The following ADGRL3 variants were observed in gnomAD, a reference collection of about 807,000 sequenced individuals.
ADGRL3 encodes adhesion G protein-coupled receptor L3, also known as calcium-independent alpha-latrotoxin receptor 3.
Under a neutral mutation model 153.5 loss-of-function variants are expected in ADGRL3, and 62 were observed. The ratio of observed to expected loss-of-function variants is 0.40; its 90% CI spans 0.33 to 0.50. The LOEUF (loss-of-function observed/expected upper bound fraction) is 0.50. ADGRL3 is among the 20% of genes least tolerant of loss of function. The pLI is 0.47. For synonymous variants in ADGRL3, 710 were observed against 672.5 expected, an observed-to-expected ratio of 1.06 and a Z score of -0.86; for missense variants, 1,641 against 1,859.4, an observed-to-expected ratio of 0.88 and a Z score of 2.16.
intron 1 of ADGRL3, among the ~76,000 whole-genome samples, chr4:61,232,105 T>C (rs1560372291): frequency 6.6e-6 from 1 of 152,134 alleles, no homozygotes. Context: ...CCTTCTGGGA[T>C]TGCTGTCAAG....
intron 8 of ADGRL3, chr4:61,775,881 G>C (rs1251180333): frequency 2.8e-6 from 1 of 362,324 alleles, no homozygotes; most frequent in Non-Finnish European, 4.9e-6. Flanking sequence ...GACGAATCTT[G>C]TTTTTATTTA....
intron 13 of ADGRL3, among the ~76,000 whole-genome samples, chr4:61,914,401 T>C (rs368051372): frequency 5.3e-5 from 8 of 152,258 alleles, no homozygotes; most frequent in East Asian, 3.9e-4. Context: ...TATATAAGTT[T>C]TATGTGAGAT....
chr4:61,887,612 C>T (rs988574935), intron 9 of ADGRL3, among the ~76,000 whole-genome samples: 2 of 152,070 alleles, frequency 1.3e-5, no homozygotes, highest in South Asian at 2.1e-4. Flanking sequence ...TTTGGGAGGC[C>T]GAAGAGGGCA....
chr4:61,722,740 G>T (rs1451040275), intron 6 of ADGRL3, among the ~76,000 whole-genome samples: 2 of 151,776 alleles, frequency 1.3e-5, no homozygotes, highest in African/African-American at 4.8e-5. Flanking sequence ...CAGTTTTTTT[G>T]GTGTTTGATA....
At chr4:61,437,259 C>T (rs1458618910) in intron 2 of ADGRL3, among the ~76,000 whole-genome samples, 1 of 145,618 alleles carries the variant, frequency 6.9e-6, no homozygotes, top group Non-Finnish European at 1.5e-5. Flanking sequence ...CTATATAAAA[C>T]ATATGCAAGA....
At position 61,201,169 on chromosome 4, in the gene ADGRL3, G is replaced by T. The variant is rs1312985018; in HGVS notation, c.-836G>T. The T allele has an allele frequency of 3.3e-5, 5 of 151,010 alleles. No homozygotes were observed. The highest frequency in any genetic ancestry group is 2.6e-4 in the Admixed American group (4 of 15,112). The allele number at this position is 151,010 out of a possible 1,614,324, so 9.4% of individuals were successfully genotyped here. On this transcript the variant is annotated 5_prime_UTR_variant, in exon 1 of 27. The change creates a premature stop within an existing upstream ORF in the 5' untranslated region. Transcript: ENST00000683033. ...AGGGGAGGACGTGGAAGAAGAAAAA[G>T]AAAGAGAAGGGGGGTGGGGTGGGAG...
chr4:61,453,054 G>T (rs2097693578), intron 2 of ADGRL3, among the ~76,000 whole-genome samples: 1 of 152,268 alleles, frequency 6.6e-6, no homozygotes, highest in East Asian at 1.9e-4. Context: ...TAGTTCAGAA[G>T]TATAATAGAG....
At chr4:61,829,736 G>A (rs548429440) in intron 9 of ADGRL3, among the ~76,000 whole-genome samples, 1 of 152,278 alleles carries the variant, frequency 6.6e-6, no homozygotes, top group Non-Finnish European at 1.5e-5. Context: ...AATATAAACA[G>A]GGTATAGTTA....
intron 9 of ADGRL3, among the ~76,000 whole-genome samples, chr4:61,847,455 G>A (rs2098130135): frequency 6.7e-6 from 1 of 148,594 alleles, no homozygotes; most frequent in African/African-American, 2.5e-5. Context: ...GCAAACCTAA[G>A]GGGCAGGGTA....
At chr4:61,252,687 G>C (rs1759730453) in intron 1 of ADGRL3, among the ~76,000 whole-genome samples, 1 of 72,254 alleles carries the variant, frequency 1.4e-5, no homozygotes, top group African/African-American at 4.3e-5. Flanking sequence ...CAAATTAGAT[G>C]AACTTTTTTT....
At chr4:61,588,936 C>G (rs1033602928) in intron 5 of ADGRL3, among the ~76,000 whole-genome samples, 1 of 152,010 alleles carries the variant, frequency 6.6e-6, no homozygotes, top group East Asian at 1.9e-4. Flanking sequence ...TTCTCTGATT[C>G]ATTTTTCACT....
intron 8 of ADGRL3, among the ~76,000 whole-genome samples, chr4:61,804,949 A>T (rs1333789711): frequency 4.9e-5 from 7 of 142,456 alleles, no homozygotes; most frequent in Non-Finnish European, 7.7e-5. Context: ...TTATTTATTT[A>T]TTTTTATTTA....
At chr4:61,508,919 A>T (rs1315149604) in intron 3 of ADGRL3, among the ~76,000 whole-genome samples, 2 of 152,154 alleles carry the variant, frequency 1.3e-5, no homozygotes, top group Non-Finnish European at 2.9e-5. Context: ...CAGCAAGAGA[A>T]AAATGAAGAG....
At chr4:61,591,728 T>A (rs913651473) in intron 5 of ADGRL3, among the ~76,000 whole-genome samples, 3 of 152,006 alleles carry the variant, frequency 2.0e-5, no homozygotes, top group African/African-American at 7.2e-5. Context: ...TAAGTTTTGT[T>A]TTAGACTCAG....
intron 5 of ADGRL3, among the ~76,000 whole-genome samples, chr4:61,638,252 T>C (rs905513686): frequency 6.6e-6 from 1 of 152,094 alleles, no homozygotes; most frequent in Admixed American, 6.6e-5. Context: ...TGAATGACTC[T>C]CAGAAACATA....
At chr4:61,417,437 G>T (rs2097156332) in intron 2 of ADGRL3, among the ~76,000 whole-genome samples, 1 of 151,824 alleles carries the variant, frequency 6.6e-6, no homozygotes, top group Admixed American at 6.6e-5. Context: ...GCAGTGAGCC[G>T]AGATTGTGCC....
chr4:61,365,785 C>G (rs1179999219), intron 1 of ADGRL3, among the ~76,000 whole-genome samples: 1 of 152,104 alleles, frequency 6.6e-6, no homozygotes, highest in Non-Finnish European at 1.5e-5. Flanking sequence ...TTCTTATTAT[C>G]TCTCTCTCAC....
At chr4:61,749,122 C>A (rs2096715996) in intron 8 of ADGRL3, among the ~76,000 whole-genome samples, 1 of 152,142 alleles carries the variant, frequency 6.6e-6, no homozygotes, top group South Asian at 2.1e-4. Context: ...CTCACCATCA[C>A]TGGCCCTCAC....
At chr4:61,858,355 G>C (rs560559309) in intron 9 of ADGRL3, among the ~76,000 whole-genome samples, 404 of 152,284 alleles carry the variant, frequency 2.7e-3, no homozygotes, top group Admixed American at 4.6e-3. Context: ...AGGCATGGTG[G>C]CTCACGCCTG....
Sources: allele counts gnomAD v4.1 joint callset (sites outside exome capture counted in the v4.1 genomes callset), GRCh38; gene constraint gnomAD v4.1.1; transcripts MANE v1.5; gene names NCBI Gene and HGNC (gene_info 2026-07-23, HGNC 2026-07-21).